The following PKN3 variants were observed in gnomAD, a reference collection of about 807,000 sequenced individuals.
PKN3 encodes the protein protein kinase N3.
In PKN3, 91 loss-of-function variants were observed where a neutral mutation model predicts 113.1. The ratio of observed to expected loss-of-function variants is 0.80; its 90% CI spans 0.68 to 0.96. The LOEUF is 0.96. Ranked by LOEUF, PKN3 falls within the 40% of genes least tolerant of loss-of-function variation. The pLI, the probability that PKN3 is intolerant of heterozygous loss-of-function variation, is 0.00. For synonymous variants in PKN3, 467 were observed against 499.0 expected (o/e 0.94, Z 0.85); for missense variants, 1,052 against 1,202.2 (o/e 0.88, Z 1.85).
chr9:128,719,869 TG>T, intron 19 of PKN3, 40 bp from the exon 20 acceptor site: 1 of 776,770 alleles, frequency 1.3e-6, no homozygotes, highest in Non-Finnish European at 2.0e-6. Context: ...TGGGTGGGGG[TG>T]GGGTGGCCCG....
At position 128,706,923 on chromosome 9, in the gene PKN3, A is replaced by G; in HGVS notation, c.551A>G (p.Gln184Arg). The change falls in exon 5 of 22, where the codon CAG becomes CGG. Residue 184 changes from glutamine (Q) to arginine (R), a missense_variant. Around this residue, in one of 2 missense-constraint regions of PKN3, gnomAD observed 719 missense variants for 759.4 expected, o/e 0.95. Transcript: ENST00000291906. The stretch of plus-strand genomic sequence containing the variant: ...CCTGAGCTGCTGGCGGAGGAGCTAC[A>G]GCATCGACTGCACGTTGAGGCAGCT... ...PGPELLAEEL[Q>R]HRLHVEAAVA... 6.2e-7 allele frequency: 1 copy of G among 1,614,228 alleles called. No individual in the cohort carries two copies. The highest frequency in any genetic ancestry group is 8.5e-7 in the Non-Finnish European group (1 of 1,180,042).
intron 6 of PKN3, among the ~76,000 whole-genome samples, chr9:128,711,294 C>T (rs1182187689): frequency 6.6e-6 from 1 of 151,638 alleles, no homozygotes; most frequent in Non-Finnish European, 1.5e-5. Context: ...GCGTGAGCCA[C>T]CTCGCCCCAC....
chr9:128,703,815 C>T (rs1037104684), intron 1 of PKN3: 1 of 985,304 alleles, frequency 1.0e-6, no homozygotes, highest in Non-Finnish European at 1.2e-6. Context: ...CCACCCCCTT[C>T]CTCTGGAGGT....
At chr9:128,705,629 C>A in intron 2 of PKN3, 86 bp downstream of exon 2, 1 of 1,541,034 alleles carries the variant, frequency 6.5e-7, no homozygotes, top group Non-Finnish European at 8.8e-7. Flanking sequence ...TGTGGCGAGA[C>A]CACCTCATTT....
chr9:128,718,754 C>A, intron 18 of PKN3, 129 bp downstream of exon 18: 1 of 840,450 alleles, frequency 1.2e-6, no homozygotes, highest in Non-Finnish European at 2.0e-6. Context: ...CCACCCCAGA[C>A]CTCATTCCAG....
chr9:128,718,741 C>G, intron 18 of PKN3, 116 bp downstream of exon 18: 7 of 941,694 alleles, frequency 7.4e-6, no homozygotes, highest in Non-Finnish European at 1.2e-5. Flanking sequence ...TGCCCTGGTT[C>G]CACCACCCCA....
intron 17 of PKN3, 45 bp from the exon 18 acceptor site, chr9:128,718,504 G>T: frequency 6.2e-7 from 1 of 1,605,412 alleles, no homozygotes; most frequent in Non-Finnish European, 8.5e-7. Flanking sequence ...TGTTCCCTGG[G>T]TCTAAGCCCC....
At chr9:128,703,257 G>T (rs892397142) in intron 1 of PKN3, 2 of 566,500 alleles carry the variant, frequency 3.5e-6, no homozygotes, top group African/African-American at 2.0e-5. Flanking sequence ...CCTTAAGTCG[G>T]TTCTCCTCGG....
In PKN3 at chr9:128,707,216, C is replaced by G. The variant is rs776558434; in HGVS notation, c.652-6C>G. The G allele has an allele frequency of 1.2e-6, 2 of 1,600,510 alleles. No homozygotes were observed. Among genetic ancestry groups the G allele is most frequent in the Non-Finnish European group, 1.7e-6 (2 of 1,170,430 alleles). ...CGAACCTGGCTCTACGTTGTCCCCT[C>G]TGCAGGCCCAGGCCCAGCTACAGGA... is the stretch of plus-strand genomic sequence containing the variant. On this transcript the variant is annotated splice_region_variant and splice_polypyrimidine_tract_variant and intron_variant, in intron 5 of 21. Coordinates refer to ENST00000291906, the MANE Select transcript of PKN3 (RefSeq NM_013355.5).
rs371128769 is a variant in PKN3 at position 128,715,273 on chromosome 9, G to A, written c.1716+38G>A. ...AGAGGGTGGTATGGGACGGGATTGG[G>A]GGCCTCATCACATGAGCCGGGAGGA... On this transcript the variant is annotated intron_variant, in intron 14 of 21. Coordinates refer to ENST00000291906, the MANE Select transcript of PKN3 (RefSeq NM_013355.5). This position sits in a 1 kb window ranked among gnomAD's most constrained non-coding sequence, Gnocchi z 4.1. 4.9e-5 allele frequency: 79 copies of A among 1,610,502 alleles called. No individual in the cohort carries two copies. The highest frequency in any genetic ancestry group is 6.6e-5 in the Non-Finnish European group (78 of 1,176,828).
At chr9:128,708,829 C>T (rs1355515796) in intron 6 of PKN3, among the ~76,000 whole-genome samples, 1 of 126,006 alleles carries the variant, frequency 7.9e-6, no homozygotes. Context: ...GGTGACACAG[C>T]AAAACTCTTT....
chr9:128,708,633 C>T (rs1337984311), intron 6 of PKN3, among the ~76,000 whole-genome samples: 1 of 151,640 alleles, frequency 6.6e-6, no homozygotes, highest in East Asian at 2.0e-4. Flanking sequence ...TCATTTGAGC[C>T]CAGGATTTCT....
chr9:128,719,532 A>G (rs953093599), intron 18 of PKN3, among the ~76,000 whole-genome samples, 154 bp from the exon 19 acceptor site: 2 of 152,148 alleles, frequency 1.3e-5, no homozygotes, highest in African/African-American at 4.8e-5. Context: ...TTGGCTCTGC[A>G]TGCAGTCAAA....
intron 6 of PKN3, among the ~76,000 whole-genome samples, chr9:128,709,211 G>A (rs552446350): frequency 6.6e-5 from 10 of 151,766 alleles, no homozygotes; most frequent in South Asian, 4.2e-4. Flanking sequence ...CGGGAACCCC[G>A]GGGGGCGGAG....
At chr9:128,711,926 T>C (rs1003793928) in intron 6 of PKN3, among the ~76,000 whole-genome samples, 2 of 146,994 alleles carry the variant, frequency 1.4e-5, no homozygotes, top group Admixed American at 6.8e-5. Flanking sequence ...TTGTTTTTTT[T>C]TGAGCTGGAG....
chr9:128,706,449 A>G (rs781006140), intron 3 of PKN3, among the ~76,000 whole-genome samples: 16 of 151,692 alleles, frequency 1.1e-4, no homozygotes, highest in Non-Finnish European at 2.1e-4. Context: ...GGGGAGAGTT[A>G]GCCCCAGCCC....
chr9:128,713,340 G>A lies in PKN3; in HGVS notation c.1045G>A (p.Val349Met), dbSNP rs1276576592. The change falls in exon 8 of 22, where the codon GTG becomes ATG. Residue 349 changes from valine to methionine, a missense_variant. Around this residue, in one of 2 missense-constraint regions of PKN3, gnomAD observed 719 missense variants for 759.4 expected, o/e 0.95. Coordinates refer to ENST00000291906, the MANE Select transcript of PKN3 (RefSeq NM_013355.5). ...RVVGQTGWGQVAEQSWDQTFV... is the reference protein window; with the variant it reads ...RVVGQTGWGQMAEQSWDQTFV... ...TGTGGGGCAGACGGGCTGGGGGCAG[G>A]TGGCCGAACAGTCCTGGGACCAGAC... is the stretch of plus-strand genomic sequence containing the variant. 1 of 1,614,008 alleles carries A rather than the reference G, an allele frequency of 6.2e-7. No individual in the cohort carries two copies. Among genetic ancestry groups the A allele is most frequent in the Non-Finnish European group, 8.5e-7 (1 of 1,180,034 alleles).
chr9:128,711,457 C>G (rs1267959628), intron 6 of PKN3, among the ~76,000 whole-genome samples: 2 of 151,940 alleles, frequency 1.3e-5, no homozygotes, highest in South Asian at 4.1e-4. Flanking sequence ...ACTACAGGCG[C>G]CCGCCACTGC....
rs1215139773 is a variant in PKN3 at position 128,705,786 on chromosome 9, C to T, written c.318C>T (p.His106=). Residue 106 remains histidine, a synonymous_variant, in exon 3 of 22, where the codon CAC becomes CAT. Transcript: ENST00000291906. The part of the protein sequence containing the change: ...RPWAEQLRAR[H]LEALRRQLHV... ...GGGCAGAGCAGCTCAGGGCTCGGCA[C>T]CTAGAGGCTCTCCGGAGGCAGCTGC... 6.2e-7 allele frequency: 1 copy of T among 1,608,504 alleles called. No homozygotes were observed. Among genetic ancestry groups the T allele is most frequent in the South Asian group, 1.1e-5 (1 of 89,722 alleles).
Sources: allele counts gnomAD v4.1 joint callset (sites outside exome capture counted in the v4.1 genomes callset), GRCh38; gene constraint gnomAD v4.1.1; regional missense constraint gnomAD v4.1.1; non-coding constraint Gnocchi (gnomAD v3.1); transcripts MANE v1.5; gene names NCBI Gene and HGNC (gene_info 2026-07-23, HGNC 2026-07-21).